The following NCKAP5 variants were observed in gnomAD, a reference collection of about 807,000 sequenced individuals.
The protein encoded by NCKAP5 is NCK associated protein 5.
NCKAP5 carries 92 observed loss-of-function variants against 167.0 expected under a neutral mutation model. That is an observed-to-expected ratio of 0.55 (90% CI 0.47 to 0.66). NCKAP5 has a LOEUF of 0.66. NCKAP5 is among the 30% of genes least tolerant of loss of function. The probability of loss-of-function intolerance (pLI) is 0.00; values close to 1 mark genes in which losing one functional copy is unlikely to be tolerated. For missense variants in NCKAP5, 2,378 were observed against 2,315.0 expected, an observed-to-expected ratio of 1.03 and a Z score of -0.56; for synonymous variants, 891 against 877.4, an observed-to-expected ratio of 1.02 and a Z score of -0.27.
At chr2:132,848,798 C>T (rs1482302551) in intron 11 of NCKAP5, among the ~76,000 whole-genome samples, 1 of 152,090 alleles carries the variant, frequency 6.6e-6, no homozygotes, top group Non-Finnish European at 1.5e-5. Context: ...ATAGTTGCTG[C>T]ACTCCAGCCT....
At chr2:132,804,551 T>C (rs993671778) in intron 11 of NCKAP5, among the ~76,000 whole-genome samples, 3 of 152,088 alleles carry the variant, frequency 2.0e-5, no homozygotes, top group Non-Finnish European at 2.9e-5. Context: ...ACTAAAAGGA[T>C]TAGTTAGTGG....
chr2:133,070,782 G>C (rs1377072447), intron 6 of NCKAP5, among the ~76,000 whole-genome samples: 1 of 152,048 alleles, frequency 6.6e-6, no homozygotes, highest in Non-Finnish European at 1.5e-5. Context: ...CTCCTATATA[G>C]AGGCAGAAGA....
intron 2 of NCKAP5, among the ~76,000 whole-genome samples, chr2:133,539,768 T>A (rs770350275): frequency 2.6e-5 from 4 of 151,918 alleles, no homozygotes; most frequent in Non-Finnish European, 5.9e-5. Flanking sequence ...AGAAAAAATA[T>A]CCATTCAAAG....
chr2:133,587,551 G>A, the NCKAP5 span, among the ~76,000 whole-genome samples: 1 of 152,210 alleles, frequency 6.6e-6, no homozygotes, highest in African/African-American at 2.4e-5. Context: ...CACCTGAAGG[G>A]AAAACTGAGA....
At chr2:133,666,596 G>GT in the NCKAP5 span, among the ~76,000 whole-genome samples, 1 of 151,750 alleles carries the variant, frequency 6.6e-6, no homozygotes, top group Non-Finnish European at 1.5e-5. Flanking sequence ...TTTTTCACTA[G>GT]TTTTTTATGT....
chr2:133,373,082 CAG>C lies in NCKAP5; in HGVS notation c.70-69974_70-69973del, dbSNP rs1189682869. 4.6e-5 allele frequency among the ~76,000 whole-genome samples: 7 copies of C among 152,136 alleles called. No individual in the cohort carries two copies. The East Asian group carries it at 1.3e-3, about 29-fold the overall frequency. On this transcript the variant is annotated intron_variant, in intron 3 of 19. Transcript: ENST00000409261. Reference sequence around the variant, plus strand: ...GTATCTTTTTTTGGATGGGGGATGACAGAGTCTCATTCTGTTGCCCAGGCTGG... The same window carrying C: ...GTATCTTTTTTTGGATGGGGGATGACAGTCTCATTCTGTTGCCCAGGCTGG...
intron 3 of NCKAP5, among the ~76,000 whole-genome samples, chr2:133,446,590 G>T (rs576238914): frequency 6.0e-4 from 91 of 152,288 alleles, no homozygotes; most frequent in African/African-American, 2.2e-3. Flanking sequence ...CCTGGTCCCA[G>T]AAGTCGTGTG....
At chr2:132,961,322 G>T (rs201503788) in intron 8 of NCKAP5, among the ~76,000 whole-genome samples, 4 of 127,916 alleles carry the variant, frequency 3.1e-5, no homozygotes, top group African/African-American at 9.9e-5. Flanking sequence ...CTATATATAA[G>T]AAGATATATT....
chr2:133,182,280 C>T (rs1289096680), intron 5 of NCKAP5, among the ~76,000 whole-genome samples: 1 of 152,132 alleles, frequency 6.6e-6, no homozygotes, highest in African/African-American at 2.4e-5. Flanking sequence ...ACAGTCTACC[C>T]AATGTAATTA....
intron 5 of NCKAP5, among the ~76,000 whole-genome samples, chr2:133,155,794 C>G (rs1236403034): frequency 6.6e-6 from 1 of 152,164 alleles, no homozygotes; most frequent in African/African-American, 2.4e-5. Context: ...TCTTTAAAAT[C>G]AAACTGAAAC....
the NCKAP5 span, among the ~76,000 whole-genome samples, chr2:133,611,563 T>G: frequency 2.0e-5 from 3 of 152,174 alleles, no homozygotes; most frequent in Non-Finnish European, 4.4e-5. Context: ...GTGGGGTTTT[T>G]GGTCTATTTT....
chr2:132,690,685 T>C (rs1686615706), intron 19 of NCKAP5, among the ~76,000 whole-genome samples: 1 of 152,196 alleles, frequency 6.6e-6, no homozygotes, highest in Non-Finnish European at 1.5e-5. Flanking sequence ...CCATAGGAAC[T>C]ACATTTTCCA....
intron 4 of NCKAP5, among the ~76,000 whole-genome samples, chr2:133,299,592 C>CA (rs368589149): frequency 2.0e-5 from 3 of 151,092 alleles, no homozygotes; most frequent in South Asian, 2.1e-4. Context: ...ACTAAAAATA[C>CA]AAAAAAAAAT....
Position 132,925,374 on chromosome 2 carries a change from G to GA in NCKAP5, c.579+38345dup, listed in dbSNP as rs1198032441. Among the ~76,000 whole-genome samples the GA allele has an allele frequency of 2.7e-5, 4 of 149,926 alleles. No homozygotes were observed. In the South Asian group the frequency reaches 8.5e-4, roughly 32 times the overall value. ...TCAAGACCATCCTGGTTAACACGGT[G>GA]AAACATCATCTCTACTAAAAGTACA... On this transcript the variant is annotated intron_variant, in intron 8 of 19. Coordinates refer to ENST00000409261, the MANE Select transcript of NCKAP5 (RefSeq NM_207363.3).
chr2:133,120,291 T>C (rs2082210781), intron 6 of NCKAP5, among the ~76,000 whole-genome samples: 1 of 152,208 alleles, frequency 6.6e-6, no homozygotes, highest in Admixed American at 6.5e-5. Context: ...TGAGGCTGTT[T>C]GTTAGCAACA....
rs1172795254 is a variant in NCKAP5 at position 133,287,778 on chromosome 2, A to G, written c.143+15259T>C. Among the ~76,000 whole-genome samples the G allele has an allele frequency of 8.5e-5, 13 of 152,308 alleles. No individual in the cohort carries two copies. In the East Asian group the frequency reaches 2.5e-3, roughly 29 times the overall value. On this transcript the variant is annotated intron_variant, in intron 4 of 19. Transcript: ENST00000409261. ...GGCTGAGGAATGCATGTGAAGAGGTAGGGAGGCAGGAAACTTGAAGGATGG... is the reference window on the plus strand; with the variant it reads ...GGCTGAGGAATGCATGTGAAGAGGTGGGGAGGCAGGAAACTTGAAGGATGG...
chr2:132,967,863 T>C lies in NCKAP5; in HGVS notation c.430-3994A>G, dbSNP rs952939062. Among the ~76,000 whole-genome samples, 38 of 151,650 alleles carry C rather than the reference T, an allele frequency of 2.5e-4. 1 individual carries two copies. Among genetic ancestry groups the C allele is most frequent in the African/African-American group, 2.4e-5 (1 of 41,224 alleles). ...GAAAATAATATCATCTGATAGAGAG[T>C]GGTGTGGTTAGGGGCAATGTTAGAT... On this transcript the variant is annotated intron_variant, in intron 7 of 19. Coordinates refer to ENST00000409261, the MANE Select transcript of NCKAP5 (RefSeq NM_207363.3).
At chr2:133,649,206 A>T in the NCKAP5 span, among the ~76,000 whole-genome samples, 5 of 150,884 alleles carry the variant, frequency 3.3e-5, no homozygotes, top group African/African-American at 4.9e-5. Flanking sequence ...AGAAAGTCTA[A>T]ACAGACCTAT....
chr2:133,523,941 A>G lies in NCKAP5; in HGVS notation c.-61-6354T>C, dbSNP rs1315450222. Among the ~76,000 whole-genome samples, 5 of 152,200 alleles carry G rather than the reference A, an allele frequency of 3.3e-5. No individual in the cohort carries two copies. The East Asian group carries it at 7.7e-4, about 23-fold the overall frequency. On this transcript the variant is annotated intron_variant, in intron 2 of 19. Transcript: ENST00000409261. Reference sequence around the variant, plus strand: ...ACTGTTAAAAAACATATCAATGCCTAGGTCCCACCAGATCACTTGAATCTC... The same window carrying G: ...ACTGTTAAAAAACATATCAATGCCTGGGTCCCACCAGATCACTTGAATCTC...
Sources: gnomAD v4.1 joint callset for allele counts (sites outside exome capture counted in the v4.1 genomes callset) on GRCh38, gnomAD v4.1.1 for gene constraint, MANE v1.5 for transcripts, NCBI Gene and HGNC (gene_info 2026-07-23, HGNC 2026-07-21) for gene names.